Variants in EHBP1 observed in about 807,000 individuals in gnomAD.
EHBP1 encodes the protein EH domain-binding protein 1.
EHBP1 carries 55 observed loss-of-function variants against 144.0 expected under a neutral mutation model. The observed-to-expected ratio is 0.38, with a 90% CI of 0.31 to 0.48. EHBP1 has a LOEUF of 0.48. Among genes scored for constraint, EHBP1 ranks in the 20% least tolerant of loss-of-function variants. EHBP1 has a pLI of 0.98. For synonymous variants in EHBP1, 469 were observed against 472.7 expected, an observed-to-expected ratio of 0.99 and a Z score of 0.10; for missense variants, 1,200 against 1,364.2, an observed-to-expected ratio of 0.88 and a Z score of 1.90.
intron 10 of EHBP1, among the ~76,000 whole-genome samples, chr2:62,905,410 T>C (rs888094171): frequency 3.9e-5 from 6 of 152,176 alleles, no homozygotes; most frequent in Admixed American, 1.3e-4. Context: ...CAGGATGAAC[T>C]GAGAACTAGA....
At chr2:62,894,949 G>GAGAGAGAA (rs2052770435) in intron 10 of EHBP1, among the ~76,000 whole-genome samples, 1 of 150,694 alleles carries the variant, frequency 6.6e-6, no homozygotes, top group East Asian at 1.9e-4. Context: ...GAGAGAGAGA[G>GAGAGAGAA]AGAGAGAATG....
rs543190770 is a variant in EHBP1 at position 62,996,896 on chromosome 2, C to T, written c.3103+130C>T. The T allele has an allele frequency of 1.5e-5, 19 of 1,308,564 alleles. No homozygotes were observed. In the African/African-American group the frequency reaches 1.5e-4, roughly 10 times the overall value. The allele number at this position is 1,308,564 out of a possible 1,614,324, so 81.1% of individuals were successfully genotyped here. On this transcript the variant is annotated intron_variant, in intron 19 of 22. Transcript: ENST00000431489. ...AACTGCCTTGAAAATAAAAAGGCTGCGATTTGCAGCCACCTCTCTGGGCCC... is the reference window on the plus strand; with the variant it reads ...AACTGCCTTGAAAATAAAAAGGCTGTGATTTGCAGCCACCTCTCTGGGCCC...
chr2:62,922,290 G>A (rs2055153310), intron 10 of EHBP1, among the ~76,000 whole-genome samples: 1 of 152,192 alleles, frequency 6.6e-6, no homozygotes, highest in African/African-American at 2.4e-5. Context: ...CTGTCTTGGG[G>A]TGGCAGAGGC....
intron 14 of EHBP1, among the ~76,000 whole-genome samples, chr2:62,971,220 A>G (rs1231053539): frequency 2.0e-5 from 3 of 152,178 alleles, no homozygotes; most frequent in Admixed American, 6.5e-5. Context: ...AATCCATTGG[A>G]TTGAAACAGG....
chr2:62,802,881 C>T (rs184446782), intron 5 of EHBP1, among the ~76,000 whole-genome samples: 90 of 152,174 alleles, frequency 5.9e-4, no homozygotes, highest in African/African-American at 2.0e-3. Flanking sequence ...TGCACCACCA[C>T]GCCCAACTAA....
intron 10 of EHBP1, 58 bp from the exon 11 acceptor site, chr2:62,942,660 T>A (rs1392757339): frequency 6.9e-7 from 1 of 1,456,460 alleles, no homozygotes; most frequent in African/African-American, 1.4e-5. Flanking sequence ...TCAATTAATG[T>A]TAATTTTCAT....
intron 2 of EHBP1, among the ~76,000 whole-genome samples, chr2:62,726,990 G>T (rs1050619924): frequency 2.6e-5 from 4 of 152,154 alleles, no homozygotes; most frequent in Admixed American, 2.0e-4. Context: ...AGCCTCCTGA[G>T]TAGCTGGAAT....
At chr2:62,815,334 G>A (rs1002181898) in intron 5 of EHBP1, among the ~76,000 whole-genome samples, 5 of 152,200 alleles carry the variant, frequency 3.3e-5, no homozygotes, top group African/African-American at 9.6e-5. Flanking sequence ...GGTCAAGGCA[G>A]TATCACCCTT....
chr2:62,951,054 T>G (rs1339654161), intron 13 of EHBP1, among the ~76,000 whole-genome samples: 3 of 152,216 alleles, frequency 2.0e-5, no homozygotes, highest in Non-Finnish European at 4.4e-5. Context: ...GTATACTGAT[T>G]GATAATGGCA....
chr2:62,686,055 A>G (rs1432177407), intron 1 of EHBP1, among the ~76,000 whole-genome samples: 2 of 152,062 alleles, frequency 1.3e-5, no homozygotes, highest in African/African-American at 4.8e-5. Context: ...TCTGAGGGAG[A>G]TGTATGGGAA....
intron 19 of EHBP1, among the ~76,000 whole-genome samples, chr2:63,004,326 TA>T (rs1277145213): frequency 6.6e-6 from 1 of 152,062 alleles, no homozygotes; most frequent in African/African-American, 2.4e-5. Context: ...TGAAAGATCT[TA>T]TGGAAGTGTA....
intron 7 of EHBP1, among the ~76,000 whole-genome samples, chr2:62,843,890 A>G (rs2048104863): frequency 6.6e-6 from 1 of 152,228 alleles, no homozygotes; most frequent in Non-Finnish European, 1.5e-5. Flanking sequence ...AATAACTTAA[A>G]TACAGTTTGT....
chr2:63,019,817 G>C (rs1458534778), intron 19 of EHBP1, among the ~76,000 whole-genome samples: 1 of 92,246 alleles, frequency 1.1e-5, no homozygotes, highest in Non-Finnish European at 2.1e-5. Context: ...GGATAGGGAA[G>C]GGAAGAGGGG....
chr2:63,041,326 GT>G (rs886596736), intron 21 of EHBP1, among the ~76,000 whole-genome samples: 26 of 151,938 alleles, frequency 1.7e-4, no homozygotes, highest in Admixed American at 1.4e-3. Flanking sequence ...TTTTCCTATA[GT>G]TTTTTTTGTT....
intron 10 of EHBP1, among the ~76,000 whole-genome samples, chr2:62,894,375 AAATAGG>A (rs1259043359): frequency 6.6e-6 from 1 of 152,226 alleles, no homozygotes; most frequent in Non-Finnish European, 1.5e-5. Flanking sequence ...TAGAGGTTAG[AAATAGG>A]AATAGGAAGA....
At chr2:62,827,433 G>T (rs2046419113) in intron 6 of EHBP1, among the ~76,000 whole-genome samples, 1 of 152,132 alleles carries the variant, frequency 6.6e-6, no homozygotes, top group Non-Finnish European at 1.5e-5. Flanking sequence ...ATCCTTTGAG[G>T]GTGGACTTCC....
chr2:62,841,493 TAAAAA>T (rs899421757), intron 7 of EHBP1, among the ~76,000 whole-genome samples: 3 of 151,460 alleles, frequency 2.0e-5, no homozygotes, highest in African/African-American at 7.3e-5. Flanking sequence ...AATAAAAAAA[TAAAAA>T]TAAAAAAAAT....
intron 8 of EHBP1, among the ~76,000 whole-genome samples, chr2:62,860,498 G>GA (rs56995103): frequency 1.3e-5 from 2 of 150,754 alleles, no homozygotes; most frequent in African/African-American, 2.4e-5. Context: ...CTCAAAAAAA[G>GA]AAAAAAAAAA....
At chr2:62,879,708 A>G (rs2051228488) in intron 10 of EHBP1, among the ~76,000 whole-genome samples, 1 of 152,116 alleles carries the variant, frequency 6.6e-6, no homozygotes, top group South Asian at 2.1e-4. Context: ...GAAATCAGAG[A>G]TGACACAAAC....
Sources: allele counts gnomAD v4.1 joint callset (sites outside exome capture counted in the v4.1 genomes callset), GRCh38; gene constraint gnomAD v4.1.1; transcripts MANE v1.5; gene names NCBI Gene and HGNC (gene_info 2026-07-23, HGNC 2026-07-21).